The following PRKCA variants were observed in gnomAD, a reference collection of about 807,000 sequenced individuals.
PRKCA encodes the protein protein kinase C alpha, also known as protein kinase C alpha type.
Under a neutral mutation model 87.0 loss-of-function variants are expected in PRKCA, and 27 were observed. The observed-to-expected ratio is 0.31, with a 90% CI of 0.23 to 0.43. The LOEUF (loss-of-function observed/expected upper bound fraction) is 0.43, where lower values mean the gene tolerates loss of function less well. PRKCA is among the 20% of genes least tolerant of loss of function. The probability of loss-of-function intolerance (pLI) is 1.00; values close to 1 mark genes in which losing one functional copy is unlikely to be tolerated. For synonymous variants in PRKCA, 329 were observed against 311.1 expected (o/e 1.06, Z -0.61); for missense variants, 518 against 852.3 (o/e 0.61, Z 4.88).
intron 2 of PRKCA, among the ~76,000 whole-genome samples, chr17:66,488,841 A>G (rs1393665708): frequency 6.6e-6 from 1 of 152,228 alleles, no homozygotes; most frequent in East Asian, 1.9e-4. Context: ...GTTTTCATAC[A>G]ACTTTTAATG....
chr17:66,710,622 C>T (rs971589536), intron 8 of PRKCA, among the ~76,000 whole-genome samples: 2 of 152,100 alleles, frequency 1.3e-5, no homozygotes, highest in African/African-American at 4.8e-5. Context: ...CTACTTGTGT[C>T]TTAGTCTGTG....
chr17:66,677,381 A>AT (rs1452339874), intron 5 of PRKCA: 2 of 152,232 alleles, frequency 1.3e-5, no homozygotes, highest in African/African-American at 4.8e-5. Flanking sequence ...TGCCTGGCCT[A>AT]TTTTTTAAAT....
In PRKCA at chr17:66,624,413, A is replaced by C. The variant is rs1220945329; in HGVS notation, c.289-16942A>C. On this transcript the variant is annotated intron_variant, in intron 3 of 16. Coordinates refer to ENST00000413366, the MANE Select transcript of PRKCA (RefSeq NM_002737.3). The stretch of plus-strand genomic sequence containing the variant: ...GAAGGAGTAGGGAGAAAAAGATCAT[A>C]GACTTGAACAAATCAGGTGCCACTG... Among the ~76,000 whole-genome samples, 5 of 152,226 alleles carry C rather than the reference A, an allele frequency of 3.3e-5. 1 individual carries two copies. The highest frequency in any genetic ancestry group is 3.3e-4 in the Admixed American group (5 of 15,280).
At chr17:66,678,574 G>A (rs1233544904) in intron 5 of PRKCA, among the ~76,000 whole-genome samples, 1 of 151,962 alleles carries the variant, frequency 6.6e-6, no homozygotes, top group Non-Finnish European at 1.5e-5. Flanking sequence ...TAAGCCAACA[G>A]GCATTCATCT....
chr17:66,694,355 G>A (rs1023426476), intron 8 of PRKCA, among the ~76,000 whole-genome samples: 3 of 151,544 alleles, frequency 2.0e-5, no homozygotes, highest in East Asian at 3.9e-4. Context: ...AGTGGCGGGC[G>A]CCTGTAATCC....
intron 16 of PRKCA, among the ~76,000 whole-genome samples, chr17:66,801,948 C>G (rs148125772): frequency 6.6e-6 from 1 of 152,170 alleles, no homozygotes; most frequent in Non-Finnish European, 1.5e-5. Flanking sequence ...AGGCTGGACG[C>G]GGTGGCTCAC....
rs1033023493 is a variant in PRKCA at position 66,809,817 on chromosome 17, G to T, written c.*5780G>T. On this transcript the variant is annotated 3_prime_UTR_variant, in exon 17 of 17. Transcript: ENST00000413366. The stretch of plus-strand genomic sequence containing the variant: ...GCAGCCCTGGAATAGGATTCCCAGG[G>T]GTTTCTGGGACCCCTTTCCTTGCTC... 3.9e-5 allele frequency: 6 copies of T among 152,192 alleles called. No homozygotes were observed. The highest frequency in any genetic ancestry group is 1.4e-4 in the African/African-American group (6 of 41,448). The allele number at this position is 152,192 out of a possible 1,614,324, so 9.4% of individuals were successfully genotyped here. A position where few individuals can be genotyped will look rare whatever the true frequency, so the allele number is the denominator to read the frequency against.
chr17:66,411,966 A>G (rs932160711), intron 2 of PRKCA, among the ~76,000 whole-genome samples: 7 of 151,810 alleles, frequency 4.6e-5, no homozygotes, highest in South Asian at 2.1e-4. Context: ...GTGCCTCTGG[A>G]CACTGAGAGA....
At chr17:66,491,619 A>T (rs1433387087) in intron 2 of PRKCA, among the ~76,000 whole-genome samples, 2 of 152,188 alleles carry the variant, frequency 1.3e-5, no homozygotes, top group East Asian at 1.9e-4. Context: ...GCCCCAAATT[A>T]AAAAAAGACA....
intron 2 of PRKCA, among the ~76,000 whole-genome samples, chr17:66,452,746 C>A (rs1027021350): frequency 6.6e-6 from 1 of 152,158 alleles, no homozygotes; most frequent in Admixed American, 6.5e-5. Context: ...TGCCTGTAGT[C>A]CCAGCTACTC....
chr17:66,612,729 T>G (rs977674287), intron 3 of PRKCA, among the ~76,000 whole-genome samples: 1 of 142,026 alleles, frequency 7.0e-6, no homozygotes, highest in South Asian at 2.2e-4. Context: ...CTGTTGGAGG[T>G]TTTTTTTTTT....
chr17:66,305,417 A>G (rs546209352), intron 1 of PRKCA, among the ~76,000 whole-genome samples: 1 of 152,330 alleles, frequency 6.6e-6, no homozygotes, highest in East Asian at 1.9e-4. Context: ...AATACCTGCA[A>G]TTGAACGTCC....
chr17:66,726,743 G>A (rs913610853), intron 8 of PRKCA, among the ~76,000 whole-genome samples: 7 of 146,208 alleles, frequency 4.8e-5, no homozygotes, highest in East Asian at 2.0e-4. Flanking sequence ...TTTTTTTTTC[G>A]AGACAGGGTC....
At chr17:66,327,366 CAAA>C (rs769256839) in intron 2 of PRKCA, among the ~76,000 whole-genome samples, 40 of 79,996 alleles carry the variant, frequency 5.0e-4, no homozygotes, top group Admixed American at 8.3e-4. Context: ...AACTCTGTCT[CAAA>C]AAAAAAAAAA....
chr17:66,726,384 G>C (rs1264656765), intron 8 of PRKCA, among the ~76,000 whole-genome samples: 1 of 152,204 alleles, frequency 6.6e-6, no homozygotes, highest in Non-Finnish European at 1.5e-5. Flanking sequence ...GGACTTTGAA[G>C]GTGAACAGAA....
intron 2 of PRKCA, among the ~76,000 whole-genome samples, chr17:66,442,277 G>C (rs900060703): frequency 2.7e-5 from 4 of 150,290 alleles, no homozygotes; most frequent in Non-Finnish European, 5.9e-5. Flanking sequence ...GGCTGGTCTT[G>C]AACTCCTGAC....
At chr17:66,574,838 A>G (rs1421217493) in intron 3 of PRKCA, among the ~76,000 whole-genome samples, 10 of 152,228 alleles carry the variant, frequency 6.6e-5, no homozygotes, top group Non-Finnish European at 1.5e-4. Flanking sequence ...CCATTTATAA[A>G]TTAGGCACAG....
At chr17:66,634,919 A>C (rs958066481) in intron 3 of PRKCA, among the ~76,000 whole-genome samples, 2 of 152,220 alleles carry the variant, frequency 1.3e-5, no homozygotes, top group African/African-American at 4.8e-5. Context: ...AAGGGGAGGT[A>C]GACAGAATCA....
In PRKCA at chr17:66,733,686, G is replaced by A. The variant is rs370512689; in HGVS notation, c.1056+861G>A. On this transcript the variant is annotated intron_variant, in intron 9 of 16. Transcript: ENST00000413366. ...GTGCACCTGTGATCCCAGCTACTCGGGAAGCTGAGGCAGGAGAATCGCTGG... is the reference window on the plus strand; with the variant it reads ...GTGCACCTGTGATCCCAGCTACTCGAGAAGCTGAGGCAGGAGAATCGCTGG... 1.3e-4 allele frequency among the ~76,000 whole-genome samples: 20 copies of A among 152,272 alleles called. No homozygotes were observed. In the East Asian group the frequency reaches 2.3e-3, roughly 18 times the overall value.
Sources: allele counts gnomAD v4.1 joint callset (sites outside exome capture counted in the v4.1 genomes callset), GRCh38; gene constraint gnomAD v4.1.1; transcripts MANE v1.5; gene names NCBI Gene and HGNC (gene_info 2026-07-23, HGNC 2026-07-21).